The following TSPAN9 variants were observed in gnomAD, a reference collection of about 807,000 sequenced individuals.
TSPAN9 encodes tetraspanin-9.
Under a neutral mutation model 31.0 loss-of-function variants are expected in TSPAN9, and 16 were observed. The observed-to-expected ratio is 0.52, with a 90% confidence interval of 0.35 to 0.78. The LOEUF (loss-of-function observed/expected upper bound fraction) is 0.78. Ranked by LOEUF, TSPAN9 falls within the 30% of genes least tolerant of loss-of-function variation. The pLI, the probability that TSPAN9 is intolerant of heterozygous loss-of-function variation, is 0.01. For missense variants in TSPAN9, 272 were observed against 312.5 expected (o/e 0.87, Z 0.98); for synonymous variants, 145 against 121.6 (o/e 1.19, Z -1.27).
At chr12:3,234,930 G>GAC (rs2098392558) in intron 3 of TSPAN9, among the ~76,000 whole-genome samples, 1 of 151,622 alleles carries the variant, frequency 6.6e-6, no homozygotes, top group Admixed American at 6.6e-5. Flanking sequence ...GGAGGCCAAG[G>GAC]TGGGTGGATT....
At chr12:3,110,428 G>T (rs1362244577) in intron 2 of TSPAN9, among the ~76,000 whole-genome samples, 1 of 152,186 alleles carries the variant, frequency 6.6e-6, no homozygotes, top group Non-Finnish European at 1.5e-5. Flanking sequence ...TCTTGATTTA[G>T]TGAGGTATGG....
At chr12:3,132,544 C>T (rs2098330272) in intron 2 of TSPAN9, among the ~76,000 whole-genome samples, 1 of 151,898 alleles carries the variant, frequency 6.6e-6, no homozygotes, top group African/African-American at 2.4e-5. Context: ...TCCTTCAGTT[C>T]CCGCATTCCT....
At chr12:3,156,179 T>C (rs926769361) in intron 2 of TSPAN9, among the ~76,000 whole-genome samples, 9 of 152,144 alleles carry the variant, frequency 5.9e-5, no homozygotes, top group African/African-American at 2.2e-4. Context: ...GTGTCTGGGG[T>C]CTGGGTGCAC....
chr12:3,282,059 T>C, intron 8 of TSPAN9: 1 of 685,424 alleles, frequency 1.5e-6, no homozygotes, highest in Non-Finnish European at 2.7e-6. Context: ...GGCTGGGATA[T>C]TGAAGCTGGA....
intron 3 of TSPAN9, among the ~76,000 whole-genome samples, chr12:3,259,658 A>G (rs1221661190): frequency 6.6e-6 from 1 of 152,258 alleles, no homozygotes; most frequent in Non-Finnish European, 1.5e-5. Flanking sequence ...TACCTAAGGA[A>G]GATCATTCTG....
At position 3,283,379 on chromosome 12, in the gene TSPAN9, C is replaced by A; in HGVS notation, c.*263C>A. ...TATTTGCCAAAGACGACAGGGTGGG[C>A]TGGGGTGCGCTCCGGAGGAACCCCC... On this transcript the variant is annotated 3_prime_UTR_variant, in exon 9 of 9. Transcript: ENST00000011898. 1 of 433,940 alleles carries A rather than the reference C, an allele frequency of 2.3e-6. No homozygotes were observed. The highest frequency in any genetic ancestry group is 4.1e-5 in the Admixed American group (1 of 24,102). 26.9% of individuals were successfully genotyped at this position (433,940 alleles called of 1,614,324 possible).
At chr12:3,224,522 C>G (rs991000422) in intron 3 of TSPAN9, among the ~76,000 whole-genome samples, 15 of 152,234 alleles carry the variant, frequency 9.9e-5, no homozygotes, top group Non-Finnish European at 2.1e-4. Flanking sequence ...GGAATCAGGA[C>G]CCAGGCCTGG....
intron 2 of TSPAN9, among the ~76,000 whole-genome samples, chr12:3,109,299 T>TGTGTGTGTGAGA (rs1274383200): frequency 1.7e-5 from 2 of 118,302 alleles, no homozygotes; most frequent in African/African-American, 9.1e-5. Context: ...TGTGTGTGTG[T>TGTGTGTGTGAGA]GAGAGAGAGT....
chr12:3,240,728 T>G (rs17779114), intron 3 of TSPAN9, among the ~76,000 whole-genome samples: 2,218 of 152,310 alleles, frequency 0.015, 84 homozygotes, highest in East Asian at 0.12. Flanking sequence ...CACTGTGGTG[T>G]TAAATACGAG....
intron 2 of TSPAN9, among the ~76,000 whole-genome samples, chr12:3,103,851 G>A (rs1394955325): frequency 6.6e-6 from 1 of 152,238 alleles, no homozygotes; most frequent in Non-Finnish European, 1.5e-5. Flanking sequence ...GGCTGCAGGA[G>A]TGAGGAAAAA....
At chr12:3,116,727 T>C (rs932352650) in intron 2 of TSPAN9, among the ~76,000 whole-genome samples, 1 of 152,214 alleles carries the variant, frequency 6.6e-6, no homozygotes, top group African/African-American at 2.4e-5. Flanking sequence ...CCTTTGGCCG[T>C]GCCTCTGCCG....
intron 2 of TSPAN9, among the ~76,000 whole-genome samples, chr12:3,156,129 C>A (rs1030026913): frequency 1.3e-5 from 2 of 152,204 alleles, no homozygotes; most frequent in African/African-American, 4.8e-5. Flanking sequence ...TAATAACAGG[C>A]CAGCCTCCTC....
intron 3 of TSPAN9, among the ~76,000 whole-genome samples, chr12:3,277,151 G>A (rs536744590): frequency 6.6e-6 from 1 of 152,266 alleles, no homozygotes; most frequent in South Asian, 2.1e-4. Flanking sequence ...AATAGGAAGG[G>A]GATGATATTC....
chr12:3,078,113 C>T (rs7135508), intron 1 of TSPAN9, among the ~76,000 whole-genome samples: 2,414 of 152,340 alleles, frequency 0.016, 62 homozygotes, highest in African/African-American at 0.056. Flanking sequence ...TCTCCTCCCT[C>T]TTTGAAAAAT....
chr12:3,207,544 CTT>C (rs2098375937), intron 3 of TSPAN9, among the ~76,000 whole-genome samples: 1 of 152,130 alleles, frequency 6.6e-6, no homozygotes, highest in Non-Finnish European at 1.5e-5. Flanking sequence ...TAACTCGACT[CTT>C]TAACCAGCCA....
At chr12:3,109,387 G>A (rs1042659267) in intron 2 of TSPAN9, among the ~76,000 whole-genome samples, 2 of 151,038 alleles carry the variant, frequency 1.3e-5, no homozygotes, top group African/African-American at 2.4e-5. Context: ...AGTGATCCTT[G>A]GAAGTCTTTA....
At chr12:3,130,003 C>T (rs2098329081) in intron 2 of TSPAN9, among the ~76,000 whole-genome samples, 2 of 152,218 alleles carry the variant, frequency 1.3e-5, no homozygotes, top group Non-Finnish European at 2.9e-5. Flanking sequence ...TCCCTGCATC[C>T]TCTTTCTTGC....
At chr12:3,250,716 A>G (rs1165892778) in intron 3 of TSPAN9, among the ~76,000 whole-genome samples, 1 of 152,238 alleles carries the variant, frequency 6.6e-6, no homozygotes, top group Non-Finnish European at 1.5e-5. Flanking sequence ...TGGCTGGCTC[A>G]GGGTGCAGTG....
At chr12:3,157,044 A>G (rs970321713) in intron 2 of TSPAN9, among the ~76,000 whole-genome samples, 7 of 151,982 alleles carry the variant, frequency 4.6e-5, no homozygotes, top group South Asian at 2.1e-4. Context: ...TCATAGAAAC[A>G]GGCCAGAGAG....
Sources: allele counts gnomAD v4.1 joint callset (sites outside exome capture counted in the v4.1 genomes callset), GRCh38; gene constraint gnomAD v4.1.1; transcripts MANE v1.5; gene names NCBI Gene and HGNC (gene_info 2026-07-23, HGNC 2026-07-21).